Variants in PTPRQ observed in about 807,000 individuals in gnomAD.
PTPRQ encodes phosphatidylinositol phosphatase PTPRQ.
PTPRQ carries 199 observed loss-of-function variants against 246.0 expected under a neutral mutation model. That is an observed-to-expected ratio of 0.81 (90% CI 0.72 to 0.91). The LOEUF is 0.91. Ranked by LOEUF, PTPRQ falls within the 40% of genes least tolerant of loss-of-function variation. The probability of loss-of-function intolerance (pLI) is 0.00; values close to 1 mark genes in which losing one functional copy is unlikely to be tolerated. For synonymous variants in PTPRQ, 869 were observed against 853.2 expected (o/e 1.02, Z -0.32); for missense variants, 2,624 against 2,528.4 (o/e 1.04, Z -0.81).
chr12:80,534,824 A>G (rs1895940528), intron 18 of PTPRQ, 68 bp from the exon 19 acceptor site: 2 of 1,480,078 alleles, frequency 1.4e-6, no homozygotes, highest in Non-Finnish European at 1.8e-6. Context: ...TGTAGGTAAA[A>G]TTCAGGCCAT....
Position 80,541,226 on chromosome 12 carries a change from A to T in PTPRQ, c.3155-329A>T, listed in dbSNP as rs918828073. ...GGTTTAAATAACATAAATTATCAAA[A>T]TATTTAAATAAGGCAGTATACATAC... On this transcript the variant is annotated intron_variant, in intron 20 of 44. Transcript: ENST00000644991. Among the ~76,000 whole-genome samples the T allele has an allele frequency of 5.3e-5, 8 of 152,048 alleles. 1 individual carries two copies. Among genetic ancestry groups the T allele is most frequent in the Non-Finnish European group, 1.2e-4 (8 of 67,962 alleles).
intron 33 of PTPRQ, among the ~76,000 whole-genome samples, chr12:80,624,005 C>T (rs117120853): frequency 5.9e-4 from 90 of 152,284 alleles, no homozygotes; most frequent in Admixed American, 1.6e-3. Context: ...TTTCCACTCA[C>T]AGTCAAGGTG....
At chr12:80,600,662 T>C (rs1898112343) in intron 26 of PTPRQ, among the ~76,000 whole-genome samples, 1 of 151,918 alleles carries the variant, frequency 6.6e-6, no homozygotes, top group South Asian at 2.1e-4. Context: ...GAGTAGTATA[T>C]GTTACAGAGG....
chr12:80,622,486 A>G (rs1899032409), intron 33 of PTPRQ, among the ~76,000 whole-genome samples: 1 of 152,022 alleles, frequency 6.6e-6, no homozygotes, highest in Admixed American at 6.6e-5. Context: ...ACTGGCATCT[A>G]GTGGGCAAAG....
chr12:80,463,157 C>A (rs562271175), intron 6 of PTPRQ, among the ~76,000 whole-genome samples: 2 of 152,080 alleles, frequency 1.3e-5, no homozygotes, highest in Non-Finnish European at 1.5e-5. Context: ...ATAACCAATA[C>A]AGAGAAGTGC....
chr12:80,621,546 C>G (rs1185637969), intron 32 of PTPRQ, among the ~76,000 whole-genome samples: 1 of 151,814 alleles, frequency 6.6e-6, no homozygotes, highest in African/African-American at 2.4e-5. Context: ...ACTTCAAATG[C>G]TATGGAAGCA....
At chr12:80,638,001 C>T (rs1301838278) in intron 35 of PTPRQ, among the ~76,000 whole-genome samples, 1 of 152,110 alleles carries the variant, frequency 6.6e-6, no homozygotes, top group African/African-American at 2.4e-5. Context: ...GGCATAGTGG[C>T]TCATGCCTGT....
intron 32 of PTPRQ, among the ~76,000 whole-genome samples, chr12:80,620,669 G>T (rs1376076655): frequency 4.0e-5 from 6 of 151,740 alleles, no homozygotes; most frequent in Non-Finnish European, 7.4e-5. Context: ...GTATATAGGA[G>T]AATTTAATTC....
At chr12:80,482,403 A>G (rs1159669629) in intron 8 of PTPRQ, among the ~76,000 whole-genome samples, 1 of 152,162 alleles carries the variant, frequency 6.6e-6, no homozygotes, top group African/African-American at 2.4e-5. Flanking sequence ...TAAATGTCAG[A>G]CCTAAAACCA....
chr12:80,539,753 C>A (rs1565773510), intron 19 of PTPRQ, 23 bp from the exon 20 acceptor site: 6 of 1,508,954 alleles, frequency 4.0e-6, no homozygotes, highest in Non-Finnish European at 3.5e-6. Flanking sequence ...ACATTCTGAA[C>A]AATGAATGTG....
intron 7 of PTPRQ, among the ~76,000 whole-genome samples, chr12:80,469,180 C>G (rs1893544331): frequency 6.6e-6 from 1 of 152,184 alleles, no homozygotes. Context: ...TGGACTTTGA[C>G]TATATTAAAT....
chr12:80,553,558 C>G (rs904588127), intron 25 of PTPRQ, among the ~76,000 whole-genome samples: 1 of 152,118 alleles, frequency 6.6e-6, no homozygotes, highest in Non-Finnish European at 1.5e-5. Context: ...TTGGCTCACT[C>G]TCTCACTGCC....
intron 25 of PTPRQ, among the ~76,000 whole-genome samples, chr12:80,569,978 A>G (rs893398484): frequency 1.3e-5 from 2 of 152,140 alleles, no homozygotes; most frequent in Admixed American, 6.5e-5. Context: ...TATCCAGTCT[A>G]TCATTGATGT....
intron 39 of PTPRQ, among the ~76,000 whole-genome samples, chr12:80,661,527 A>G (rs550855806): frequency 1.5e-4 from 22 of 151,628 alleles, no homozygotes; most frequent in Non-Finnish European, 3.0e-4. Context: ...ATATGTGTAT[A>G]TGTACACACA....
chr12:80,612,210 AT>A (rs1455899345), intron 28 of PTPRQ, among the ~76,000 whole-genome samples: 2 of 150,464 alleles, frequency 1.3e-5, no homozygotes, highest in African/African-American at 4.8e-5. Flanking sequence ...CCTCATACAT[AT>A]TTTAATAATG....
chr12:80,629,216 C>T (rs543625750), intron 33 of PTPRQ, among the ~76,000 whole-genome samples: 1 of 152,084 alleles, frequency 6.6e-6, no homozygotes, highest in South Asian at 2.1e-4. Context: ...AACAAGCTCT[C>T]TGTGTCTCTT....
intron 14 of PTPRQ, among the ~76,000 whole-genome samples, chr12:80,504,094 G>C (rs10862147): frequency 0.28 from 41,678 of 151,328 alleles, 6,416 homozygotes; most frequent in African/African-American, 0.42. Flanking sequence ...ATTTTGATGA[G>C]CCTCAGCCAT....
chr12:80,520,198 C>A (rs536478631), intron 17 of PTPRQ, among the ~76,000 whole-genome samples: 1 of 152,088 alleles, frequency 6.6e-6, no homozygotes, highest in African/African-American at 2.4e-5. Flanking sequence ...TGAATTGTAT[C>A]TCCCATAATT....
chr12:80,607,486 CCTTA>C (rs1898371909), intron 27 of PTPRQ, among the ~76,000 whole-genome samples: 1 of 145,440 alleles, frequency 6.9e-6, no homozygotes, highest in East Asian at 2.0e-4. Flanking sequence ...TCCCTCCTTC[CCTTA>C]CTTCCTTCCT....
Sources: gnomAD v4.1 joint callset for allele counts (sites outside exome capture counted in the v4.1 genomes callset) on GRCh38, gnomAD v4.1.1 for gene constraint, MANE v1.5 for transcripts, NCBI Gene and HGNC (gene_info 2026-07-23, HGNC 2026-07-21) for gene names.